ECT2: variants seen among roughly 807,000 people sequenced by gnomAD.
ECT2 encodes protein ECT2.
A neutral mutation model predicts 116.9 loss-of-function variants in ECT2; 61 were observed. The ratio of observed to expected loss-of-function variants is 0.52; its 90% confidence interval spans 0.42 to 0.65. The LOEUF is 0.65. ECT2 is among the 30% of genes least tolerant of loss of function. ECT2 has a pLI of 0.00. For synonymous variants in ECT2, 358 were observed against 346.4 expected (o/e 1.03, Z -0.37); for missense variants, 937 against 1,078.7 (o/e 0.87, Z 1.84).
chr3:172,781,224 G>C (rs987074462), intron 14 of ECT2, among the ~76,000 whole-genome samples: 3 of 152,158 alleles, frequency 2.0e-5, no homozygotes, highest in African/African-American at 7.2e-5. Context: ...TAATTAGTAA[G>C]GGGAGTGGTA....
intron 4 of ECT2, among the ~76,000 whole-genome samples, chr3:172,756,278 C>T (rs553591885): frequency 6.6e-6 from 1 of 152,194 alleles, no homozygotes; most frequent in African/African-American, 2.4e-5. Context: ...AATTTACTGA[C>T]CCATTTTGAG....
chr3:172,755,666 G>A, intron 4 of ECT2, 91 bp downstream of exon 4: 1 of 645,612 alleles, frequency 1.5e-6, no homozygotes, highest in East Asian at 3.0e-5. Context: ...GGCACAAGGT[G>A]TATTGTGTGC....
chr3:172,820,294 A>C lies in ECT2; in HGVS notation c.*57A>C. On this transcript the variant is annotated 3_prime_UTR_variant, in exon 25 of 25. Coordinates refer to ENST00000392692, the MANE Select transcript of ECT2 (RefSeq NM_001258315.2). ...TATAGACACCTCATACTCAAATAAGAAACTGACTTAAATGGTACTTGTAAT... is the reference window on the plus strand; with the variant it reads ...TATAGACACCTCATACTCAAATAAGCAACTGACTTAAATGGTACTTGTAAT... The C allele has an allele frequency of 8.0e-7, 1 of 1,249,344 alleles. No homozygotes were observed. Among genetic ancestry groups the C allele is most frequent in the South Asian group, 1.6e-5 (1 of 62,142 alleles). The allele number at this position is 1,249,344 out of a possible 1,614,324, so 77.4% of individuals were successfully genotyped here.
intron 20 of ECT2, among the ~76,000 whole-genome samples, chr3:172,804,131 A>G (rs1245325948): frequency 6.6e-6 from 1 of 152,058 alleles, no homozygotes; most frequent in East Asian, 1.9e-4. Context: ...AAAGTCTTAT[A>G]TGCTTTCCTT....
At chr3:172,793,618 C>T (rs112199160) in intron 18 of ECT2, among the ~76,000 whole-genome samples, 4,810 of 152,162 alleles carry the variant, frequency 0.032, 159 homozygotes, top group East Asian at 0.16. Context: ...CACCTGCCAC[C>T]ATGCCCAGCT....
At chr3:172,804,555 A>C (rs12107448) in intron 20 of ECT2, among the ~76,000 whole-genome samples, 6 of 152,068 alleles carry the variant, frequency 3.9e-5, no homozygotes, top group African/African-American at 1.5e-4. Context: ...TCGCATCATC[A>C]TGGGGTTTTA....
chr3:172,770,823 A>AT (rs535896321), intron 13 of ECT2, among the ~76,000 whole-genome samples: 56 of 149,124 alleles, frequency 3.8e-4, no homozygotes, highest in Middle Eastern at 3.5e-3. Context: ...AGTGTTAAAG[A>AT]TTTTTTTTTT....
At chr3:172,770,994 G>A (rs908618386) in intron 13 of ECT2, among the ~76,000 whole-genome samples, 23 of 152,140 alleles carry the variant, frequency 1.5e-4, no homozygotes, top group Non-Finnish European at 8.8e-5. Context: ...TTTTCTGTGT[G>A]TTGTGCATCA....
chr3:172,805,040 T>C (rs1727421619), intron 20 of ECT2, among the ~76,000 whole-genome samples: 2 of 152,080 alleles, frequency 1.3e-5, no homozygotes, highest in African/African-American at 4.8e-5. Flanking sequence ...ATTCTTTAGC[T>C]TGTTTGTTTA....
At position 172,759,646 on chromosome 3, in the gene ECT2, G is replaced by C. The variant is rs763756609; in HGVS notation, c.577-510G>C. Among the ~76,000 whole-genome samples, 5 of 151,936 alleles carry C rather than the reference G, an allele frequency of 3.3e-5. No individual in the cohort carries two copies. In the East Asian group the frequency reaches 9.7e-4, roughly 29 times the overall value. On this transcript the variant is annotated intron_variant, in intron 6 of 24. Coordinates refer to ENST00000392692, the MANE Select transcript of ECT2 (RefSeq NM_001258315.2). ...TTTTTAGTAGAGATGGGGTTTCACC[G>C]TGTTAGCCAGGATGGTCTTGATCTC...
the ECT2 span, among the ~76,000 whole-genome samples, chr3:172,827,950 C>A: frequency 6.6e-6 from 1 of 152,058 alleles, no homozygotes; most frequent in Non-Finnish European, 1.5e-5. Flanking sequence ...AAAGTCCCAT[C>A]ATGGCTTAGG....
chr3:172,791,944 ACTC>A (rs1303140770), intron 18 of ECT2, among the ~76,000 whole-genome samples: 4 of 151,772 alleles, frequency 2.6e-5, no homozygotes, highest in Non-Finnish European at 4.4e-5. Context: ...GAAATGTGTG[ACTC>A]CTCCTTTCAC....
At chr3:172,775,915 T>C (rs1721577680) in intron 14 of ECT2, among the ~76,000 whole-genome samples, 1 of 152,204 alleles carries the variant, frequency 6.6e-6, no homozygotes, top group South Asian at 2.1e-4. Flanking sequence ...ATTACAGGCA[T>C]AAGTCACTGT....
intron 22 of ECT2, among the ~76,000 whole-genome samples, chr3:172,812,729 T>G (rs1251067243): frequency 1.3e-5 from 2 of 152,184 alleles, no homozygotes; most frequent in Non-Finnish European, 2.9e-5. Flanking sequence ...AAAATATATT[T>G]AAATGTCAAA....
intron 18 of ECT2, among the ~76,000 whole-genome samples, chr3:172,801,117 A>AT (rs201412512): frequency 0.014 from 2,031 of 149,620 alleles, 25 homozygotes; most frequent in Admixed American, 0.017. Flanking sequence ...CTCTGTTTCA[A>AT]TTTTTTTTTT....
chr3:172,751,592 A>G (rs915832790), intron 1 of ECT2, among the ~76,000 whole-genome samples: 2 of 151,508 alleles, frequency 1.3e-5, no homozygotes, highest in Non-Finnish European at 2.9e-5. Flanking sequence ...GTTATTGTTA[A>G]TAACACCACC....
rs182472799 is a variant in ECT2, at chr3:172,782,193, G to A, written c.1579G>A (p.Asp527Asn). The A allele has an allele frequency of 3.2e-5, 50 of 1,580,048 alleles. No individual in the cohort carries two copies. Among genetic ancestry groups the A allele is most frequent in the East Asian group, 2.8e-4 (12 of 43,420 alleles). ...TCTTGAAGACCTTATAGTTAATTGG[G>A]ATGAGAGCAAAAGCATTGGTGACAT... ...DDLEDLIVNW[D>N]ESKSIGDIFL... The change falls in exon 15 of 25, where the codon GAT (aspartate) becomes AAT (asparagine). Residue 527 changes from aspartate (D) to asparagine (N), a missense_variant. Physicochemically the swap from Asp to Asn is conservative, Grantham distance 23. Transcript: ENST00000392692.
chr3:172,780,381 G>T (rs1722484752), intron 14 of ECT2, among the ~76,000 whole-genome samples: 1 of 151,926 alleles, frequency 6.6e-6, no homozygotes, highest in South Asian at 2.1e-4. Context: ...TCCATTTTTG[G>T]CTATTATGAA....
chr3:172,761,473 CT>C (rs1718283002), intron 7 of ECT2, 136 bp from the exon 8 acceptor site: 1 of 579,696 alleles, frequency 1.7e-6, no homozygotes, highest in African/African-American at 1.9e-5. Context: ...GATAGTTTGT[CT>C]GTTAATTTTT....
Sources: allele counts gnomAD v4.1 joint callset (sites outside exome capture counted in the v4.1 genomes callset), GRCh38; gene constraint gnomAD v4.1.1; transcripts MANE v1.5; gene names NCBI Gene and HGNC (gene_info 2026-07-23, HGNC 2026-07-21).